AFF1: variants seen among roughly 807,000 people sequenced by gnomAD.
The protein encoded by AFF1 is ALF transcription elongation factor 1, also known as AF4/FMR2 family member 1.
A neutral mutation model predicts 121.7 loss-of-function variants in AFF1; 48 were observed. That is an observed-to-expected ratio of 0.39 (90% CI 0.31 to 0.50). The LOEUF is 0.50. Among genes scored for constraint, AFF1 ranks in the 20% least tolerant of loss-of-function variants. The probability of loss-of-function intolerance (pLI) is 0.76; values close to 1 mark genes in which losing one functional copy is unlikely to be tolerated. For synonymous variants in AFF1, 613 were observed against 563.0 expected (o/e 1.09, Z -1.26); for missense variants, 1,523 against 1,511.7 (o/e 1.01, Z -0.12).
At position 87,006,978 on chromosome 4, in the gene AFF1, T is replaced by G. The variant is rs112111946; in HGVS notation, c.39-39188T>G. 0.01 allele frequency: 10,630 copies of G among 1,056,364 alleles called. 756 individuals are homozygous for G. The African/African-American group carries it at 0.16, about 16-fold the overall frequency. 65.4% of individuals were successfully genotyped at this position (1,056,364 alleles called of 1,614,324 possible). A position where few individuals can be genotyped will look rare whatever the true frequency, so the allele number is the denominator to read the frequency against. Reference sequence around the variant, plus strand: ...CCCGGCGGACTCGGACAACTTCAAGTGAGCCCAGAGGCAATTTCTTTTCCT... The same window carrying G: ...CCCGGCGGACTCGGACAACTTCAAGGGAGCCCAGAGGCAATTTCTTTTCCT... On this transcript the variant is annotated intron_variant, in intron 2 of 20. Coordinates refer to ENST00000395146, the MANE Select transcript of AFF1 (RefSeq NM_001166693.3).
intron 2 of AFF1, among the ~76,000 whole-genome samples, chr4:87,019,467 G>A (rs533673192): frequency 6.6e-6 from 1 of 152,194 alleles, no homozygotes; most frequent in Non-Finnish European, 1.5e-5. Context: ...GTACAGAGAG[G>A]CCAAGAAAAA....
At chr4:86,940,117 T>C (rs1255428710) in intron 1 of AFF1, among the ~76,000 whole-genome samples, 1 of 152,136 alleles carries the variant, frequency 6.6e-6, no homozygotes, top group African/African-American at 2.4e-5. Flanking sequence ...CCAGGAAATT[T>C]GAGACTAGCC....
chr4:87,128,472 C>T (rs1269617555), intron 16 of AFF1, among the ~76,000 whole-genome samples: 1 of 152,168 alleles, frequency 6.6e-6, no homozygotes, highest in East Asian at 1.9e-4. Context: ...AAACCTAAAT[C>T]CCCACAAATG....
intron 2 of AFF1, among the ~76,000 whole-genome samples, chr4:87,015,582 G>C (rs981001012): frequency 6.6e-6 from 1 of 152,180 alleles, no homozygotes; most frequent in African/African-American, 2.4e-5. Context: ...CAGTTAGATT[G>C]AATTTGATAA....
At position 87,053,138 on chromosome 4, in the gene AFF1, G is replaced by A. The variant is rs190214480; in HGVS notation, c.1059+5544G>A. Among the ~76,000 whole-genome samples the A allele has an allele frequency of 1.6e-4, 24 of 152,250 alleles. No homozygotes were observed. In the East Asian group the frequency reaches 3.5e-3, roughly 22 times the overall value. The stretch of plus-strand genomic sequence containing the variant: ...ATTTAGTAGGTATTTAAAACCTTGG[G>A]ACCGAGCATGTGTACCTAAGAATCC... On this transcript the variant is annotated intron_variant, in intron 4 of 20. Transcript: ENST00000395146.
Position 86,979,965 on chromosome 4 carries a change from C to T in AFF1, c.38+31394C>T, listed in dbSNP as rs976458566. On this transcript the variant is annotated intron_variant, in intron 2 of 20. Transcript: ENST00000395146. ...TCACTCTGTTGCCCAGGCTGGAGTG[C>T]AGTGACGTGGCCTCAGCTCACTGCA... Among the ~76,000 whole-genome samples the T allele has an allele frequency of 7.9e-5, 12 of 152,192 alleles. No homozygotes were observed. The East Asian group carries it at 2.1e-3, about 27-fold the overall frequency.
intron 2 of AFF1, among the ~76,000 whole-genome samples, chr4:87,020,958 G>T (rs1169381480): frequency 6.6e-6 from 1 of 152,076 alleles, no homozygotes; most frequent in African/African-American, 2.4e-5. Flanking sequence ...TTTTATTTTG[G>T]TTTAAGGAGT....
At chr4:87,100,271 T>C (rs1170667355) in intron 8 of AFF1, among the ~76,000 whole-genome samples, 2 of 152,176 alleles carry the variant, frequency 1.3e-5, no homozygotes, top group Admixed American at 6.5e-5. Flanking sequence ...TGTGGTCCAC[T>C]TTCACAAGCA....
At chr4:87,067,347 G>A (rs1312008356) in intron 4 of AFF1, among the ~76,000 whole-genome samples, 1 of 152,206 alleles carries the variant, frequency 6.6e-6, no homozygotes, top group Non-Finnish European at 1.5e-5. Context: ...AACCACTATG[G>A]ATAACTTCTA....
Position 87,131,718 on chromosome 4 carries a change from T to C in AFF1, c.3102-75T>C, listed in dbSNP as rs1339116352. On this transcript the variant is annotated intron_variant, in intron 17 of 20. Transcript: ENST00000395146. ...TTCTTCAGGAAAAGTCAATATAAAA[T>C]GGAAACAAGCATAGTAAGTTGTATT... The C allele has an allele frequency of 4.0e-6, 5 of 1,255,200 alleles. No individual in the cohort carries two copies. The South Asian group carries it at 6.9e-5, about 17-fold the overall frequency. 77.8% of individuals were successfully genotyped at this position (1,255,200 alleles called of 1,614,324 possible). A position where few individuals can be genotyped will look rare whatever the true frequency, so the allele number is the denominator to read the frequency against.
At chr4:86,990,166 TATA>T (rs35076194) in intron 2 of AFF1, among the ~76,000 whole-genome samples, 98,190 of 147,940 alleles carry the variant, frequency 0.66, 33,590 homozygotes, top group South Asian at 0.8. Context: ...GAACTTAAAT[TATA>T]ATAATAATAA....
At chr4:86,981,515 C>T in intron 2 of AFF1, among the ~76,000 whole-genome samples, 1 of 151,780 alleles carries the variant, frequency 6.6e-6, no homozygotes, top group East Asian at 1.9e-4. Flanking sequence ...ATTCCAGGCA[C>T]CCACCACCAT....
rs553702861 is a variant in AFF1 at position 87,108,175 on chromosome 4, C to A, written c.1393C>A (p.Pro465Thr). 2 of 1,614,020 alleles carry A rather than the reference C, an allele frequency of 1.2e-6. No homozygotes were observed. Among genetic ancestry groups the A allele is most frequent in the South Asian group, 2.2e-5 (2 of 91,054 alleles). ...SAPPSAPQSLPEPVASAHSSS... is the reference protein window; with the variant it reads ...SAPPSAPQSLTEPVASAHSSS... Reference sequence around the variant, plus strand: ...GCTTTGCAGTGCTCCACAGTCCCTTCCAGAACCAGTGGCATCAGCACATTC... The same window carrying A: ...GCTTTGCAGTGCTCCACAGTCCCTTACAGAACCAGTGGCATCAGCACATTC... The change falls in exon 11 of 21, where the codon CCA becomes ACA. Residue 465 changes from proline to threonine, a missense_variant. Pro to Thr is a conservative substitution (Grantham distance 38). This residue lies in a region of AFF1 where 905 missense variants were observed against 842.5 expected (regional missense o/e 1.07). Transcript: ENST00000395146.
chr4:86,980,668 T>C (rs1308156358), intron 2 of AFF1, among the ~76,000 whole-genome samples: 2 of 151,990 alleles, frequency 1.3e-5, no homozygotes, highest in Non-Finnish European at 2.9e-5. Flanking sequence ...TAGAAAAAAA[T>C]GAAAATGTGC....
In AFF1 at chr4:87,131,205, T is replaced by C. The variant is rs1379192953; in HGVS notation, c.3087T>C (p.Thr1029=). The change falls in exon 17 of 21, where the codon ACT becomes ACC. Residue 1029 remains threonine (T), a synonymous_variant. Coordinates refer to ENST00000395146, the MANE Select transcript of AFF1 (RefSeq NM_001166693.3). ...SKSAYSVYSE[T]VDLIKFIMSL... ...CAGCTTACTCTGTCTACTCAGAAAC[T>C]GTAGATCTCATTAAGTAAGTGCCGA... 6.2e-7 allele frequency: 1 copy of C among 1,614,172 alleles called. No homozygotes were observed. The highest frequency in any genetic ancestry group is 1.7e-5 in the Admixed American group (1 of 60,008).
chr4:87,046,792 G>T lies in AFF1; in HGVS notation c.257G>T (p.Arg86Leu), dbSNP rs368134000. The change falls in exon 4 of 21, where the codon CGC becomes CTC. Residue 86 changes from arginine (R) to leucine (L), a missense_variant. This residue lies in a region of AFF1 where 369 missense variants were observed against 367.2 expected (regional missense o/e 1.00). Coordinates refer to ENST00000395146, the MANE Select transcript of AFF1 (RefSeq NM_001166693.3). ...CTTAGTACTAAGTCTCACACTCATC[G>T]CCTGGATGCTTCTGAAAATAGGTTG... is the stretch of plus-strand genomic sequence containing the variant. Reference protein sequence around the residue: ...EFLSTKSHTHRLDASENRLGK... With the variant: ...EFLSTKSHTHLLDASENRLGK... 6.2e-7 allele frequency: 1 copy of T among 1,614,102 alleles called. No individual in the cohort carries two copies. The highest frequency in any genetic ancestry group is 8.5e-7 in the Non-Finnish European group (1 of 1,180,036).
intron 4 of AFF1, among the ~76,000 whole-genome samples, chr4:87,073,447 G>A (rs1722332789): frequency 6.6e-6 from 1 of 152,090 alleles, no homozygotes; most frequent in East Asian, 1.9e-4. Context: ...TGCTTCCTCA[G>A]AGTATATATG....
chr4:87,135,724 G>A lies in AFF1; in HGVS notation c.*23G>A. ...TAATGGAGCCCCAGGTTGATTCAAT[G>A]CCTTGGGAACTATTTTTGCACATTG... On this transcript the variant is annotated 3_prime_UTR_variant, in exon 21 of 21. Coordinates refer to ENST00000395146, the MANE Select transcript of AFF1 (RefSeq NM_001166693.3). 1 of 1,603,310 alleles carries A rather than the reference G, an allele frequency of 6.2e-7. No homozygotes were observed. Among genetic ancestry groups the A allele is most frequent in the Non-Finnish European group, 8.5e-7 (1 of 1,174,720 alleles).
intron 2 of AFF1, among the ~76,000 whole-genome samples, chr4:87,041,635 T>C (rs1052550046): frequency 3.3e-5 from 5 of 152,036 alleles, no homozygotes; most frequent in Non-Finnish European, 5.9e-5. Context: ...CAGGCTGATG[T>C]TGGGATACAT....
Sources: allele counts gnomAD v4.1 joint callset (sites outside exome capture counted in the v4.1 genomes callset), GRCh38; gene constraint gnomAD v4.1.1; regional missense constraint gnomAD v4.1.1; transcripts MANE v1.5; gene names NCBI Gene and HGNC (gene_info 2026-07-23, HGNC 2026-07-21).